LYPD6: variants seen among roughly 807,000 people sequenced by gnomAD.
LYPD6 encodes the protein LY6/PLAUR domain containing 6, also known as ly6/PLAUR domain-containing protein 6.
In LYPD6, 15 loss-of-function variants were observed where a neutral mutation model predicts 22.7. The ratio of observed to expected loss-of-function variants is 0.66; its 90% CI spans 0.44 to 1.02. The LOEUF (loss-of-function observed/expected upper bound fraction) is 1.02, where lower values mean the gene tolerates loss of function less well. Ranked by LOEUF, LYPD6 falls within the 50% of genes least tolerant of loss-of-function variation. The probability of loss-of-function intolerance (pLI) is 0.00; values close to 1 mark genes in which losing one functional copy is unlikely to be tolerated. For missense variants in LYPD6, 189 were observed against 208.4 expected, an observed-to-expected ratio of 0.91 and a Z score of 0.57; for synonymous variants, 72 against 77.5, an observed-to-expected ratio of 0.93 and a Z score of 0.37.
At chr2:149,378,445 C>T (rs1191586600) in intron 1 of LYPD6, among the ~76,000 whole-genome samples, 3 of 152,108 alleles carry the variant, frequency 2.0e-5, no homozygotes, top group East Asian at 3.8e-4. Flanking sequence ...AGGACTTGTC[C>T]CATCATTTCA....
intron 1 of LYPD6, among the ~76,000 whole-genome samples, chr2:149,399,959 G>A (rs1682516166): frequency 6.6e-6 from 1 of 152,182 alleles, no homozygotes; most frequent in Non-Finnish European, 1.5e-5. Flanking sequence ...CATTGGCAAA[G>A]CTTTGTTGGA....
intron 1 of LYPD6, among the ~76,000 whole-genome samples, chr2:149,413,899 C>A (rs1030917767): frequency 3.3e-5 from 5 of 152,124 alleles, no homozygotes; most frequent in Admixed American, 6.5e-5. Flanking sequence ...CACCATACAG[C>A]GTGATCAATA....
chr2:149,378,746 C>A (rs1339405016), intron 1 of LYPD6, among the ~76,000 whole-genome samples: 2 of 152,180 alleles, frequency 1.3e-5, no homozygotes, highest in African/African-American at 2.4e-5. Context: ...ACAATTGCCA[C>A]ATGAAAACTT....
intron 1 of LYPD6, among the ~76,000 whole-genome samples, chr2:149,402,233 CGTGTGTGTGT>C (rs146124855): frequency 1.4e-5 from 2 of 145,572 alleles, no homozygotes; most frequent in Non-Finnish European, 3.0e-5. Context: ...TGTGTGTTTG[CGTGTGTGTGT>C]GTGTGTGTGT....
chr2:149,379,052 C>T (rs1315863110), intron 1 of LYPD6, among the ~76,000 whole-genome samples: 2 of 152,104 alleles, frequency 1.3e-5, no homozygotes, highest in Non-Finnish European at 2.9e-5. Flanking sequence ...ATGAATTCAC[C>T]GAATTGACTG....
At chr2:149,352,910 C>G (rs1033632669) in intron 1 of LYPD6, among the ~76,000 whole-genome samples, 1 of 152,188 alleles carries the variant, frequency 6.6e-6, no homozygotes, top group African/African-American at 2.4e-5. Flanking sequence ...TGTGAACTTT[C>G]GGTTGGGCCT....
chr2:149,434,103 C>T (rs181799933), intron 1 of LYPD6, among the ~76,000 whole-genome samples: 3 of 152,080 alleles, frequency 2.0e-5, no homozygotes, highest in Admixed American at 2.0e-4. Flanking sequence ...CATGGAGGTA[C>T]CATGATCACT....
At chr2:149,332,133 T>C (rs1307951100) in intron 1 of LYPD6, among the ~76,000 whole-genome samples, 2 of 152,222 alleles carry the variant, frequency 1.3e-5, no homozygotes, top group African/African-American at 2.4e-5. Context: ...CATCTATCTG[T>C]TTTCAATTTT....
At chr2:149,424,760 A>C (rs1160109183) in intron 1 of LYPD6, among the ~76,000 whole-genome samples, 1 of 152,182 alleles carries the variant, frequency 6.6e-6, no homozygotes, top group Non-Finnish European at 1.5e-5. Flanking sequence ...TGGCGCTGTC[A>C]ATTGAGCTGG....
intron 1 of LYPD6, among the ~76,000 whole-genome samples, chr2:149,389,435 A>G (rs547872698): frequency 4.6e-5 from 7 of 152,296 alleles, no homozygotes; most frequent in African/African-American, 1.7e-4. Context: ...GGTTTCAGGG[A>G]GAATGACCAA....
chr2:149,385,501 G>T (rs1302413165), intron 1 of LYPD6, among the ~76,000 whole-genome samples: 1 of 152,178 alleles, frequency 6.6e-6, no homozygotes, highest in Admixed American at 6.6e-5. Context: ...GGCTACCTTG[G>T]TGACTTTTTT....
intron 1 of LYPD6, among the ~76,000 whole-genome samples, chr2:149,403,505 G>A (rs1225244043): frequency 6.9e-6 from 1 of 145,796 alleles, no homozygotes; most frequent in Non-Finnish European, 1.5e-5. Flanking sequence ...TTTTTCATGT[G>A]TTTTTTGGCT....
intron 1 of LYPD6, among the ~76,000 whole-genome samples, chr2:149,330,925 T>C (rs1423992556): frequency 1.3e-5 from 2 of 151,916 alleles, no homozygotes; most frequent in Non-Finnish European, 2.9e-5. Flanking sequence ...GCCCCGCGAG[T>C]AGCCTGGACG....
intron 3 of LYPD6, 131 bp downstream of exon 3, chr2:149,449,278 C>A (rs1299697613): frequency 5.2e-6 from 3 of 581,984 alleles, no homozygotes; most frequent in Non-Finnish European, 9.3e-6. Flanking sequence ...GCTATTAGAT[C>A]TTTTGTACCA....
intron 1 of LYPD6, among the ~76,000 whole-genome samples, chr2:149,413,081 T>A (rs1682887864): frequency 6.6e-6 from 1 of 152,224 alleles, no homozygotes; most frequent in Non-Finnish European, 1.5e-5. Context: ...GTGTTTTCCC[T>A]TCTTCTTGAC....
chr2:149,439,369 C>T (rs546770498), intron 2 of LYPD6, among the ~76,000 whole-genome samples: 1 of 152,092 alleles, frequency 6.6e-6, no homozygotes, highest in Non-Finnish European at 1.5e-5. Flanking sequence ...AATATTTGTT[C>T]TGTTTTCTAG....
chr2:149,455,763 C>T (rs1019999886), intron 3 of LYPD6, among the ~76,000 whole-genome samples: 23 of 152,204 alleles, frequency 1.5e-4, no homozygotes, highest in Admixed American at 1.3e-3. Flanking sequence ...TGTCTATCCT[C>T]ACTACCTTTG....
At chr2:149,334,439 G>T (rs757237916) in intron 1 of LYPD6, among the ~76,000 whole-genome samples, 13 of 152,190 alleles carry the variant, frequency 8.5e-5, no homozygotes, top group Non-Finnish European at 1.6e-4. Flanking sequence ...CCTACACCCA[G>T]GCTTTCTCAA....
At chr2:149,356,148 A>C (rs1681444836) in intron 1 of LYPD6, among the ~76,000 whole-genome samples, 1 of 152,024 alleles carries the variant, frequency 6.6e-6, no homozygotes, top group Middle Eastern at 3.4e-3. Context: ...ACAAGTATGC[A>C]AACAAGGTGG....
Sources: allele counts gnomAD v4.1 joint callset (sites outside exome capture counted in the v4.1 genomes callset), GRCh38; gene constraint gnomAD v4.1.1; transcripts MANE v1.5; gene names NCBI Gene and HGNC (gene_info 2026-07-23, HGNC 2026-07-21).